The following APLF variants were observed in gnomAD, a reference collection of about 807,000 sequenced individuals.
APLF encodes aprataxin and PNKP like factor, also known as aprataxin and PNK-like factor.
Under a neutral mutation model 55.6 loss-of-function variants are expected in APLF, and 61 were observed. The observed-to-expected ratio is 1.10, with a 90% CI of 0.89 to 1.36. The LOEUF (loss-of-function observed/expected upper bound fraction) is 1.36, where lower values mean the gene tolerates loss of function less well. Ranked by LOEUF, APLF falls within the 40% of genes most tolerant of loss-of-function variation. The probability of loss-of-function intolerance (pLI) is 0.00; values close to 1 mark genes in which losing one functional copy is unlikely to be tolerated. For missense variants in APLF, 611 were observed against 602.5 expected (o/e 1.01, Z -0.15); for synonymous variants, 207 against 214.8 (o/e 0.96, Z 0.32).
rs1455868392 is a variant in APLF, at chr2:68,545,215, A to G, written c.1189A>G (p.Ser397Gly). The G allele has an allele frequency of 6.2e-7, 1 of 1,613,590 alleles. No homozygotes were observed. The highest frequency in any genetic ancestry group is 2.2e-5 in the East Asian group (1 of 44,864). ...GAATCCTGTTCATTTTCAACATTTT[A>G]GCCATCCTGGTGATAGTGATTATGG... ...RKNPVHFQHF[S>G]HPGDSDYGGV... The change falls in exon 8 of 10, where the codon AGC becomes GGC. Residue 397 changes from serine (S) to glycine (G), a missense_variant. Transcript: ENST00000303795.
At chr2:68,577,760 G>A (rs973933534) in intron 9 of APLF, 60 bp from the exon 10 acceptor site, 3 of 1,581,262 alleles carry the variant, frequency 1.9e-6, no homozygotes, top group African/African-American at 1.4e-5. Context: ...ATAGGTAGAT[G>A]TCTGTCATCC....
In APLF at chr2:68,533,285, A is replaced by G. The variant is rs115334522; in HGVS notation, c.805-4587A>G. On this transcript the variant is annotated intron_variant, in intron 6 of 9. Transcript: ENST00000303795. ...TTCTTTATAAATTTTCAAGTTTGTGATATTCTGTTATCACAGCTACAAAAC... is the reference window on the plus strand; with the variant it reads ...TTCTTTATAAATTTTCAAGTTTGTGGTATTCTGTTATCACAGCTACAAAAC... 9.5e-3 allele frequency among the ~76,000 whole-genome samples: 1,449 copies of G among 152,260 alleles called. 24 individuals are homozygous for G. Among genetic ancestry groups the G allele is most frequent in the African/African-American group, 0.033 (1,368 of 41,534 alleles).
At chr2:68,488,526 G>C (rs1024776349) in intron 1 of APLF, among the ~76,000 whole-genome samples, 2 of 151,570 alleles carry the variant, frequency 1.3e-5, no homozygotes, top group Non-Finnish European at 2.9e-5. Flanking sequence ...GTAGAGATGG[G>C]GGTCTCACTG....
intron 8 of APLF, among the ~76,000 whole-genome samples, chr2:68,559,636 C>T (rs573730467): frequency 6.6e-6 from 1 of 152,164 alleles, no homozygotes; most frequent in East Asian, 1.9e-4. Context: ...ATCAGCAGTC[C>T]TTGCCATTCC....
At chr2:68,527,015 G>A (rs764303048) in intron 6 of APLF, among the ~76,000 whole-genome samples, 4 of 152,246 alleles carry the variant, frequency 2.6e-5, no homozygotes, top group African/African-American at 4.8e-5. Context: ...GGAAGGTTGC[G>A]CAGTAGCTGG....
At chr2:68,487,571 T>C (rs1341734720) in intron 1 of APLF, among the ~76,000 whole-genome samples, 1 of 152,122 alleles carries the variant, frequency 6.6e-6, no homozygotes, top group Non-Finnish European at 1.5e-5. Flanking sequence ...TGATAATTGA[T>C]TGTTATTACA....
intron 1 of APLF, among the ~76,000 whole-genome samples, chr2:68,468,449 C>G (rs924350108): frequency 6.6e-6 from 1 of 151,926 alleles, no homozygotes; most frequent in Admixed American, 6.6e-5. Flanking sequence ...TTACCTATAC[C>G]AACATCTTTA....
At chr2:68,487,200 C>T (rs1256274406) in intron 1 of APLF, among the ~76,000 whole-genome samples, 2 of 152,108 alleles carry the variant, frequency 1.3e-5, no homozygotes, top group African/African-American at 4.8e-5. Context: ...ATCTGAATCT[C>T]CTCTGAATGT....
chr2:68,568,327 T>C (rs1641814443), intron 9 of APLF: 15 of 984,424 alleles, frequency 1.5e-5, no homozygotes, highest in Non-Finnish European at 1.8e-5. Flanking sequence ...TATATGTGCA[T>C]ACAAACAGCT....
intron 8 of APLF, 86 bp downstream of exon 8, chr2:68,545,398 T>C: frequency 1.4e-6 from 2 of 1,428,802 alleles, no homozygotes; most frequent in Admixed American, 4.5e-5. Context: ...GCTTGTTATC[T>C]CAAGCCTTTT....
At chr2:68,564,750 C>T (rs1293490321) in intron 8 of APLF, among the ~76,000 whole-genome samples, 1 of 152,006 alleles carries the variant, frequency 6.6e-6, no homozygotes, top group African/African-American at 2.4e-5. Flanking sequence ...AGTCACTAAC[C>T]TCATACTTTC....
Position 68,490,184 on chromosome 2 carries a change from G to A in APLF, c.97-6G>A. ...TTCTTAATCTTTTAATTTTTTTACT[G>A]TATAGATAACAGACAAGAGAGTATC... On this transcript the variant is annotated splice_region_variant and splice_polypyrimidine_tract_variant and intron_variant, in intron 1 of 9. Coordinates refer to ENST00000303795, the MANE Select transcript of APLF (RefSeq NM_173545.3). 1 of 1,591,780 alleles carries A rather than the reference G, an allele frequency of 6.3e-7. No homozygotes were observed. The highest frequency in any genetic ancestry group is 8.5e-7 in the Non-Finnish European group (1 of 1,172,600).
chr2:68,523,227 C>T (rs563042822), intron 5 of APLF, among the ~76,000 whole-genome samples: 1 of 152,020 alleles, frequency 6.6e-6, no homozygotes, highest in African/African-American at 2.4e-5. Context: ...TACGACTTTA[C>T]TATCAGGTAA....
intron 8 of APLF, chr2:68,563,231 C>A (rs1671213658): frequency 1.0e-6 from 1 of 985,146 alleles, no homozygotes; most frequent in African/African-American, 1.7e-5. Flanking sequence ...AAACAACTTT[C>A]CCCTTCTAAG....
intron 1 of APLF, among the ~76,000 whole-genome samples, chr2:68,475,353 C>T (rs1675739724): frequency 6.6e-6 from 1 of 152,152 alleles, no homozygotes; most frequent in African/African-American, 2.4e-5. Flanking sequence ...ATCATATTGG[C>T]TAACAATTCA....
At chr2:68,499,890 G>A (rs755467753) in intron 2 of APLF, among the ~76,000 whole-genome samples, 18 of 151,902 alleles carry the variant, frequency 1.2e-4, no homozygotes, top group Admixed American at 6.6e-5. Context: ...ATACATACAC[G>A]TAAACATACT....
chr2:68,534,409 A>G (rs1313231317), intron 6 of APLF, among the ~76,000 whole-genome samples: 3 of 152,174 alleles, frequency 2.0e-5, no homozygotes, highest in South Asian at 4.2e-4. Flanking sequence ...CATTCTTGCC[A>G]GGAGCAGTTT....
At chr2:68,551,617 T>C (rs1277495223) in intron 8 of APLF, among the ~76,000 whole-genome samples, 3 of 151,172 alleles carry the variant, frequency 2.0e-5, no homozygotes, top group Non-Finnish European at 4.4e-5. Context: ...TTTTTTTTTT[T>C]TTTGGCCAAT....
intron 7 of APLF, among the ~76,000 whole-genome samples, chr2:68,539,554 A>G (rs1028097734): frequency 1.3e-5 from 2 of 152,154 alleles, no homozygotes; most frequent in African/African-American, 4.8e-5. Context: ...TAAAGCCCCT[A>G]TCTCCAAATT....
Sources: gnomAD v4.1 joint callset for allele counts (sites outside exome capture counted in the v4.1 genomes callset) on GRCh38, gnomAD v4.1.1 for gene constraint, MANE v1.5 for transcripts, NCBI Gene and HGNC (gene_info 2026-07-23, HGNC 2026-07-21) for gene names.